MAF: variants seen among roughly 807,000 people sequenced by gnomAD.
MAF encodes transcription factor Maf.
A neutral mutation model predicts 22.0 loss-of-function variants in MAF; 10 were observed. The ratio of observed to expected loss-of-function variants is 0.45; its 90% confidence interval spans 0.28 to 0.77. The LOEUF is 0.77. MAF is among the 30% of genes least tolerant of loss of function. MAF has a pLI of 0.12. For missense variants in MAF, 544 were observed against 548.4 expected (o/e 0.99, Z 0.08); for synonymous variants, 337 against 255.8 (o/e 1.32, Z -3.03).
chr16:79,589,735 G>T (rs1002410785), downstream of MAF, among the ~76,000 whole-genome samples: 2 of 152,194 alleles, frequency 1.3e-5, no homozygotes, highest in East Asian at 3.9e-4. Flanking sequence ...GCTCGCTCGC[G>T]CTAGGGCAGT....
the MAF span, among the ~76,000 whole-genome samples, chr16:79,295,592 C>T: frequency 2.0e-5 from 3 of 152,226 alleles, no homozygotes; most frequent in Non-Finnish European, 4.4e-5. Flanking sequence ...TTAGGCTGAA[C>T]TTAAATTATG....
At chr16:79,401,436 C>G in the MAF span, among the ~76,000 whole-genome samples, 1 of 152,270 alleles carries the variant, frequency 6.6e-6, no homozygotes, top group African/African-American at 2.4e-5. Context: ...CCCAGAGTCA[C>G]ACAGTCTTCA....
At chr16:79,456,485 G>C in the MAF span, among the ~76,000 whole-genome samples, 48 of 152,230 alleles carry the variant, frequency 3.2e-4, no homozygotes, top group South Asian at 9.5e-3. Flanking sequence ...AATCCAGTGG[G>C]ATCCCCTTAC....
the MAF span, among the ~76,000 whole-genome samples, chr16:79,386,591 G>A: frequency 7.9e-5 from 12 of 152,224 alleles, no homozygotes; most frequent in East Asian, 3.9e-4. Context: ...CCCATGGCCC[G>A]GTGGATGGGG....
At chr16:79,232,191 G>C in the MAF span, among the ~76,000 whole-genome samples, 1 of 152,026 alleles carries the variant, frequency 6.6e-6, no homozygotes, top group Non-Finnish European at 1.5e-5. Context: ...CTGTGGCCCA[G>C]GGGTTGGGGA....
At chr16:79,348,609 T>C in the MAF span, among the ~76,000 whole-genome samples, 1 of 152,216 alleles carries the variant, frequency 6.6e-6, no homozygotes, top group East Asian at 1.9e-4. Context: ...GAATTCAAAG[T>C]GTCCGTATCA....
the MAF span, among the ~76,000 whole-genome samples, chr16:79,254,485 T>C: frequency 6.6e-6 from 1 of 152,214 alleles, no homozygotes; most frequent in African/African-American, 2.4e-5. Flanking sequence ...AGCATCTTTG[T>C]GAATACATGA....
At chr16:79,432,741 TAC>T in the MAF span, among the ~76,000 whole-genome samples, 12 of 151,150 alleles carry the variant, frequency 7.9e-5, no homozygotes, top group African/African-American at 2.4e-4. Flanking sequence ...AATTTGGACA[TAC>T]ACACACACAC....
chr16:79,485,618 T>C, the MAF span, among the ~76,000 whole-genome samples: 2 of 152,300 alleles, frequency 1.3e-5, no homozygotes, highest in African/African-American at 2.4e-5. Context: ...CAAAAGTTTA[T>C]AAGAAAAAGG....
chr16:79,209,811 G>C, the MAF span, among the ~76,000 whole-genome samples: 5 of 152,290 alleles, frequency 3.3e-5, no homozygotes, highest in East Asian at 9.7e-4. Flanking sequence ...TAAACCCCTT[G>C]AAGTTGTTTA....
the MAF span, among the ~76,000 whole-genome samples, chr16:79,311,818 G>C: frequency 6.6e-6 from 1 of 152,118 alleles, no homozygotes; most frequent in African/African-American, 2.4e-5. Flanking sequence ...GAAAGTGGTC[G>C]GCACTTCTGT....
the MAF span, among the ~76,000 whole-genome samples, chr16:79,571,111 TA>T: frequency 6.3e-3 from 893 of 142,286 alleles, 4 homozygotes; most frequent in East Asian, 0.027. Flanking sequence ...CATTTCCAGT[TA>T]AAAAAAAAAA....
At chr16:79,238,118 G>C in the MAF span, among the ~76,000 whole-genome samples, 2 of 152,084 alleles carry the variant, frequency 1.3e-5, no homozygotes, top group African/African-American at 2.4e-5. Flanking sequence ...AAAGGATCTT[G>C]ACTCTGACCC....
chr16:79,538,400 A>G, the MAF span, among the ~76,000 whole-genome samples: 2 of 152,214 alleles, frequency 1.3e-5, no homozygotes, highest in Non-Finnish European at 2.9e-5. Context: ...AAATACCCAA[A>G]TAAATTCTAA....
At chr16:79,562,304 T>A in the MAF span, among the ~76,000 whole-genome samples, 1 of 152,154 alleles carries the variant, frequency 6.6e-6, no homozygotes, top group African/African-American at 2.4e-5. Context: ...ATGGACAAGG[T>A]TTGTTTTGTT....
At chr16:79,206,153 T>A in the MAF span, 1 of 152,176 alleles carries the variant, frequency 6.6e-6, no homozygotes, top group South Asian at 2.1e-4. Context: ...TTTTAACATT[T>A]CTCGGGTGAA....
the MAF span, among the ~76,000 whole-genome samples, chr16:79,495,007 G>C: frequency 6.6e-6 from 1 of 152,130 alleles, no homozygotes; most frequent in Non-Finnish European, 1.5e-5. Context: ...TGGTGAGTAG[G>C]GTATGGAGCT....
the MAF span, among the ~76,000 whole-genome samples, chr16:79,560,854 G>A: frequency 6.6e-6 from 1 of 152,320 alleles, no homozygotes; most frequent in South Asian, 2.1e-4. Context: ...GTGACGAGGT[G>A]TGGCGGGAAA....
the MAF span, among the ~76,000 whole-genome samples, chr16:79,431,074 T>TCTG: frequency 6.6e-6 from 1 of 152,038 alleles, no homozygotes; most frequent in Non-Finnish European, 1.5e-5. Context: ...TTTCTTTGAA[T>TCTG]CAGAACAGGG....
Sources: gnomAD v4.1 joint callset for allele counts (sites outside exome capture counted in the v4.1 genomes callset) on GRCh38, gnomAD v4.1.1 for gene constraint, MANE v1.5 for transcripts, NCBI Gene and HGNC (gene_info 2026-07-23, HGNC 2026-07-21) for gene names.